The following NRXN3 variants were observed in gnomAD, a reference collection of about 807,000 sequenced individuals.
NRXN3 encodes the protein neurexin 3.
NRXN3 carries 32 observed loss-of-function variants against 137.6 expected under a neutral mutation model. That is an observed-to-expected ratio of 0.23 (90% CI 0.18 to 0.31). The LOEUF (loss-of-function observed/expected upper bound fraction) is 0.31. Among genes scored for constraint, NRXN3 ranks in the 10% least tolerant of loss-of-function variants. NRXN3 has a pLI of 1.00. For missense variants in NRXN3, 1,574 were observed against 2,062.5 expected (o/e 0.76, Z 4.59); for synonymous variants, 798 against 784.5 (o/e 1.02, Z -0.29).
chr14:79,162,194 A>C (rs1676608661), intron 15 of NRXN3, among the ~76,000 whole-genome samples: 1 of 150,802 alleles, frequency 6.6e-6, no homozygotes, highest in African/African-American at 2.4e-5. Flanking sequence ...CACAATGTGC[A>C]GGTTAGTTAC....
intron 15 of NRXN3, among the ~76,000 whole-genome samples, chr14:79,009,309 A>G (rs1363824068): frequency 6.6e-6 from 1 of 152,178 alleles, no homozygotes; most frequent in African/African-American, 2.4e-5. Flanking sequence ...TGACATGCAG[A>G]CTTGGATTAT....
At chr14:79,541,317 C>T (rs957355454) in intron 16 of NRXN3, among the ~76,000 whole-genome samples, 2 of 152,070 alleles carry the variant, frequency 1.3e-5, no homozygotes, top group East Asian at 1.9e-4. Context: ...GCAAAAGAAT[C>T]GCTTGAAACC....
At chr14:79,769,501 G>C (rs927408621) in intron 19 of NRXN3, among the ~76,000 whole-genome samples, 1 of 152,156 alleles carries the variant, frequency 6.6e-6, no homozygotes, top group Non-Finnish European at 1.5e-5. Context: ...TTTCAACCCA[G>C]AATCTCATAT....
chr14:78,678,059 C>G (rs1368918977), intron 6 of NRXN3, among the ~76,000 whole-genome samples: 1 of 152,110 alleles, frequency 6.6e-6, no homozygotes, highest in Admixed American at 6.5e-5. Flanking sequence ...ATTTGTGTAA[C>G]TCACTTTATT....
At chr14:79,029,345 G>A (rs1308418327) in intron 15 of NRXN3, among the ~76,000 whole-genome samples, 1 of 152,044 alleles carries the variant, frequency 6.6e-6, no homozygotes, top group Non-Finnish European at 1.5e-5. Context: ...AAAGCATATT[G>A]TCAAACTTAT....
At chr14:78,613,603 T>TC (rs1417879062) in intron 4 of NRXN3, among the ~76,000 whole-genome samples, 5 of 122,372 alleles carry the variant, frequency 4.1e-5, no homozygotes, top group Non-Finnish European at 6.7e-5. Context: ...TTTTTTTTTT[T>TC]CCCTTGGAAA....
At chr14:79,518,983 T>A (rs2097027830) in intron 16 of NRXN3, among the ~76,000 whole-genome samples, 1 of 152,206 alleles carries the variant, frequency 6.6e-6, no homozygotes, top group Non-Finnish European at 1.5e-5. Flanking sequence ...ACAGAACAAT[T>A]AACTTGGCAT....
Position 79,173,226 on chromosome 14 carries a change from T to C in NRXN3, c.3262+185085T>C, listed in dbSNP as rs146240551. On this transcript the variant is annotated intron_variant, in intron 15 of 20. Transcript: ENST00000335750. The stretch of plus-strand genomic sequence containing the variant: ...TCTTAAGAGAAAAAAGGTCAACATA[T>C]AAAAAGTTTAAGAGAAATTTAGGCC... Among the ~76,000 whole-genome samples the C allele has an allele frequency of 7.9e-5, 12 of 152,146 alleles. No individual in the cohort carries two copies. In the South Asian group the frequency reaches 8.3e-4, roughly 11 times the overall value.
At chr14:79,333,739 A>G (rs527542442) in intron 15 of NRXN3, among the ~76,000 whole-genome samples, 1 of 152,274 alleles carries the variant, frequency 6.6e-6, no homozygotes, top group East Asian at 1.9e-4. Context: ...AGAAATATCC[A>G]TGATGGCTCT....
At chr14:79,839,956 C>T (rs72698455) in intron 20 of NRXN3, among the ~76,000 whole-genome samples, 27,624 of 151,548 alleles carry the variant, frequency 0.18, 3,017 homozygotes, top group Non-Finnish European at 0.23. Flanking sequence ...ACCCTTGTAA[C>T]ATTTCTGGAA....
At chr14:78,492,157 A>G (rs774017593) in intron 4 of NRXN3, among the ~76,000 whole-genome samples, 5 of 152,222 alleles carry the variant, frequency 3.3e-5, no homozygotes, top group Non-Finnish European at 5.9e-5. Flanking sequence ...GGTCTATCAC[A>G]TGATAAACGC....
chr14:78,736,655 T>A (rs2098542432), intron 8 of NRXN3, among the ~76,000 whole-genome samples: 1 of 152,226 alleles, frequency 6.6e-6, no homozygotes, highest in African/African-American at 2.4e-5. Flanking sequence ...ATTTACACTT[T>A]TATTCATTCA....
intron 20 of NRXN3, among the ~76,000 whole-genome samples, chr14:79,827,622 A>G (rs1279620297): frequency 6.6e-6 from 1 of 151,942 alleles, no homozygotes; most frequent in Non-Finnish European, 1.5e-5. Context: ...AATCATGGCA[A>G]AAGGTGAAGG....
chr14:78,200,297 A>G (rs1459020035), intron 1 of NRXN3, among the ~76,000 whole-genome samples: 1 of 152,168 alleles, frequency 6.6e-6, no homozygotes, highest in African/African-American at 2.4e-5. Flanking sequence ...AACTTCAGAT[A>G]TGGTTGCCGA....
chr14:78,454,686 G>T (rs1048134787), intron 4 of NRXN3, among the ~76,000 whole-genome samples: 36 of 152,308 alleles, frequency 2.4e-4, no homozygotes, highest in African/African-American at 7.2e-4. Context: ...AGGTGCTATG[G>T]TGCATAGAAG....
At chr14:78,677,079 A>G (rs932779645) in intron 6 of NRXN3, among the ~76,000 whole-genome samples, 2 of 152,182 alleles carry the variant, frequency 1.3e-5, no homozygotes, top group Non-Finnish European at 2.9e-5. Flanking sequence ...TAATATTTTT[A>G]TGCCTGCTAA....
chr14:79,699,429 CT>C (rs2098746768), intron 19 of NRXN3, among the ~76,000 whole-genome samples: 2 of 151,944 alleles, frequency 1.3e-5, no homozygotes, highest in South Asian at 4.1e-4. Context: ...AAGCAAATGG[CT>C]TTTTCTTCAT....
At chr14:78,316,651 T>C (rs1313900195) in intron 4 of NRXN3, among the ~76,000 whole-genome samples, 1 of 152,216 alleles carries the variant, frequency 6.6e-6, no homozygotes, top group Non-Finnish European at 1.5e-5. Flanking sequence ...TTTATTTATT[T>C]GATATGTCAG....
At chr14:79,422,697 CTTTTTTT>C (rs1185262366) in intron 15 of NRXN3, among the ~76,000 whole-genome samples, 1 of 130,174 alleles carries the variant, frequency 7.7e-6, no homozygotes, top group South Asian at 2.5e-4. Flanking sequence ...GTTCCACATT[CTTTTTTT>C]TTTTTTTTTT....
Sources: gnomAD v4.1 joint callset for allele counts (sites outside exome capture counted in the v4.1 genomes callset) on GRCh38, gnomAD v4.1.1 for gene constraint, MANE v1.5 for transcripts, NCBI Gene and HGNC (gene_info 2026-07-23, HGNC 2026-07-21) for gene names.